Variants in C12orf42 observed in about 807,000 individuals in gnomAD.
C12orf42 encodes uncharacterized protein C12orf42.
In C12orf42, 25 loss-of-function variants were observed where a neutral mutation model predicts 21.6. The ratio of observed to expected loss-of-function variants is 1.16; its 90% CI spans 0.84 to 1.62. The LOEUF (loss-of-function observed/expected upper bound fraction) is 1.62. Among genes scored for constraint, C12orf42 ranks in the 40% most tolerant of loss-of-function variants. The probability of loss-of-function intolerance (pLI) is 0.00; values close to 1 mark genes in which losing one functional copy is unlikely to be tolerated. For missense variants in C12orf42, 483 were observed against 459.3 expected (o/e 1.05, Z -0.47); for synonymous variants, 174 against 175.0 (o/e 0.99, Z 0.05).
chr12:103,120,018 A>T, the C12orf42 span, among the ~76,000 whole-genome samples: 2 of 152,232 alleles, frequency 1.3e-5, no homozygotes. Context: ...AGGCTGGGGA[A>T]AAGGGATGGC....
At chr12:103,455,159 T>G (rs375839983) in intron 2 of C12orf42, among the ~76,000 whole-genome samples, 53 of 152,228 alleles carry the variant, frequency 3.5e-4, no homozygotes, top group African/African-American at 1.2e-3. Flanking sequence ...TTTAGAGCCT[T>G]CAGATTATAT....
At chr12:103,196,853 T>C in the C12orf42 span, among the ~76,000 whole-genome samples, 5 of 152,076 alleles carry the variant, frequency 3.3e-5, no homozygotes, top group Non-Finnish European at 7.4e-5. Context: ...ACAGTTGGGT[T>C]TTGCTTCTGT....
intron 1 of C12orf42, among the ~76,000 whole-genome samples, chr12:103,485,456 C>T (rs560798794): frequency 6.6e-4 from 101 of 152,288 alleles, no homozygotes; most frequent in African/African-American, 2.3e-3. Context: ...GCAATGTGGG[C>T]TCTTTTTTAG....
chr12:103,212,043 T>A, the C12orf42 span, among the ~76,000 whole-genome samples: 1 of 152,232 alleles, frequency 6.6e-6, no homozygotes, highest in Admixed American at 6.5e-5. Context: ...GTAGCTCTTA[T>A]AATATTTGAT....
chr12:103,240,273 C>T (rs565375084), intron 10 of C12orf42, among the ~76,000 whole-genome samples: 56 of 152,196 alleles, frequency 3.7e-4, no homozygotes, highest in African/African-American at 1.1e-3. Context: ...AGACATCAAG[C>T]GACCTAAACA....
chr12:103,304,997 G>C (rs1422518454), intron 5 of C12orf42, among the ~76,000 whole-genome samples: 1 of 152,152 alleles, frequency 6.6e-6, no homozygotes, highest in Non-Finnish European at 1.5e-5. Flanking sequence ...TATAAAGCAG[G>C]GGTGTCCAAT....
chr12:103,378,706 A>G (rs1310618210), intron 3 of C12orf42: 1 of 152,220 alleles, frequency 6.6e-6, no homozygotes, highest in Non-Finnish European at 1.5e-5. Context: ...TGGAATTCGT[A>G]CCTGAGTTGG....
intron 4 of C12orf42, among the ~76,000 whole-genome samples, chr12:103,340,816 T>G (rs528504825): frequency 6.6e-6 from 1 of 152,208 alleles, no homozygotes; most frequent in East Asian, 1.9e-4. Flanking sequence ...TTAGTTGAGC[T>G]GAAGACACAG....
chr12:103,374,771 G>C (rs1262392041), intron 3 of C12orf42, among the ~76,000 whole-genome samples: 2 of 152,110 alleles, frequency 1.3e-5, no homozygotes, highest in Non-Finnish European at 2.9e-5. Flanking sequence ...GGCCCATGCT[G>C]CATCCTGGGC....
the C12orf42 span, among the ~76,000 whole-genome samples, chr12:103,108,194 A>G: frequency 6.6e-6 from 1 of 151,682 alleles, no homozygotes; most frequent in Non-Finnish European, 1.5e-5. Flanking sequence ...TTTGTTATAA[A>G]AAAGAATAGG....
At chr12:103,419,365 T>C (rs1324198313) in intron 2 of C12orf42, among the ~76,000 whole-genome samples, 1 of 152,174 alleles carries the variant, frequency 6.6e-6, no homozygotes, top group Non-Finnish European at 1.5e-5. Flanking sequence ...CCAAAAGTGG[T>C]CCAAGATAGG....
chr12:103,428,914 A>G (rs796479557), intron 2 of C12orf42, among the ~76,000 whole-genome samples: 1 of 150,268 alleles, frequency 6.7e-6, no homozygotes, highest in Non-Finnish European at 1.5e-5. Context: ...AATAAAATTC[A>G]ACACCCCTTC....
At chr12:103,240,160 G>C (rs975912161) in intron 10 of C12orf42, among the ~76,000 whole-genome samples, 1 of 152,010 alleles carries the variant, frequency 6.6e-6, no homozygotes, top group East Asian at 1.9e-4. Context: ...CATGTGCTAG[G>C]CACTAAGATA....
chr12:103,367,889 C>T (rs2044766904), intron 4 of C12orf42: 2 of 340,826 alleles, frequency 5.9e-6, no homozygotes, highest in African/African-American at 4.3e-5. Flanking sequence ...ATAAAATCAA[C>T]TAAACCTTTC....
chr12:103,501,477 T>G, the C12orf42 span, among the ~76,000 whole-genome samples: 1 of 152,198 alleles, frequency 6.6e-6, no homozygotes, highest in African/African-American at 2.4e-5. Flanking sequence ...ATGATGTTAG[T>G]GAGCGCAGAG....
At chr12:103,068,170 T>C in the C12orf42 span, among the ~76,000 whole-genome samples, 1 of 152,252 alleles carries the variant, frequency 6.6e-6, no homozygotes, top group African/African-American at 2.4e-5. Context: ...AAGTGGGGAC[T>C]GCAATTGTCA....
chr12:103,425,806 G>C (rs895920833), intron 2 of C12orf42, among the ~76,000 whole-genome samples: 2 of 152,122 alleles, frequency 1.3e-5, no homozygotes, highest in Non-Finnish European at 2.9e-5. Flanking sequence ...CTACCCTGAG[G>C]TGAGGAATCT....
intron 3 of C12orf42, among the ~76,000 whole-genome samples, chr12:103,393,600 A>G (rs571950150): frequency 3.3e-5 from 5 of 152,292 alleles, no homozygotes; most frequent in Admixed American, 1.3e-4. Context: ...TTTTCTCTAT[A>G]GTATCACTAT....
At chr12:103,238,668 C>T (rs1055658604) in intron 10 of C12orf42, among the ~76,000 whole-genome samples, 1 of 152,134 alleles carries the variant, frequency 6.6e-6, no homozygotes. Context: ...TCTGTCCATC[C>T]TTGGGAGAGA....
Sources: allele counts gnomAD v4.1 joint callset (sites outside exome capture counted in the v4.1 genomes callset), GRCh38; gene constraint gnomAD v4.1.1; transcripts MANE v1.5; gene names NCBI Gene and HGNC (gene_info 2026-07-23, HGNC 2026-07-21).